Variants in MDGA2 observed in about 807,000 individuals in gnomAD.
MDGA2 encodes MAM domain-containing glycosylphosphatidylinositol anchor protein 2.
MDGA2 carries 40 observed loss-of-function variants against 117.8 expected under a neutral mutation model. The observed-to-expected ratio is 0.34, with a 90% CI of 0.26 to 0.44. MDGA2 has a LOEUF of 0.44. Among genes scored for constraint, MDGA2 ranks in the 20% least tolerant of loss-of-function variants. The pLI, the probability that MDGA2 is intolerant of heterozygous loss-of-function variation, is 1.00. For synonymous variants in MDGA2, 452 were observed against 439.0 expected (o/e 1.03, Z -0.37); for missense variants, 1,123 against 1,250.6 (o/e 0.90, Z 1.54).
chr14:47,165,907 A>G (rs1395630983), intron 3 of MDGA2, among the ~76,000 whole-genome samples: 1 of 152,032 alleles, frequency 6.6e-6, no homozygotes, highest in African/African-American at 2.4e-5. Context: ...TTCTACCTTG[A>G]TTTGCATAAA....
At chr14:47,590,639 T>A (rs1896418984) in intron 1 of MDGA2, among the ~76,000 whole-genome samples, 1 of 151,952 alleles carries the variant, frequency 6.6e-6, no homozygotes, top group Non-Finnish European at 1.5e-5. Context: ...ATTGTACATT[T>A]TAAAATAACT....
At chr14:47,131,553 C>T (rs1161256898) in intron 5 of MDGA2, among the ~76,000 whole-genome samples, 161 bp downstream of exon 5, 1 of 151,850 alleles carries the variant, frequency 6.6e-6, no homozygotes, top group African/African-American at 2.4e-5. Context: ...TTTACTGTGT[C>T]CATGTATGAA....
At chr14:47,649,719 C>T (rs1211353858) in intron 1 of MDGA2, among the ~76,000 whole-genome samples, 1 of 138,608 alleles carries the variant, frequency 7.2e-6, no homozygotes, top group Non-Finnish European at 1.6e-5. Context: ...ACAAAAAAAC[C>T]CCACAAATAT....
chr14:47,521,247 G>A (rs1231881110), intron 1 of MDGA2, among the ~76,000 whole-genome samples: 1 of 152,078 alleles, frequency 6.6e-6, no homozygotes, highest in Non-Finnish European at 1.5e-5. Context: ...CTGGATGTGG[G>A]GGATCAGTTT....
intron 3 of MDGA2, among the ~76,000 whole-genome samples, chr14:47,194,745 A>ACTCT (rs150931481): frequency 1.3e-5 from 2 of 150,356 alleles, no homozygotes; most frequent in South Asian, 2.1e-4. Context: ...GGTGAATCTC[A>ACTCT]CTCTCTCTCT....
chr14:47,180,863 G>C (rs902877002), intron 3 of MDGA2, among the ~76,000 whole-genome samples: 2 of 152,162 alleles, frequency 1.3e-5, no homozygotes, highest in African/African-American at 4.8e-5. Context: ...AAAGGTTGCA[G>C]TGAGCTGAGA....
chr14:47,428,450 T>G (rs1049814838), intron 1 of MDGA2, among the ~76,000 whole-genome samples: 1 of 152,148 alleles, frequency 6.6e-6, no homozygotes, highest in Middle Eastern at 3.2e-3. Flanking sequence ...TTAGTCTACA[T>G]AAAGATTAAT....
At chr14:47,485,896 G>A (rs1169840392) in intron 1 of MDGA2, among the ~76,000 whole-genome samples, 2 of 152,192 alleles carry the variant, frequency 1.3e-5, no homozygotes, top group Non-Finnish European at 2.9e-5. Flanking sequence ...TGGATGTCCA[G>A]GCAGAAGTTT....
chr14:47,152,766 T>C (rs1196598629), intron 3 of MDGA2, among the ~76,000 whole-genome samples: 1 of 152,138 alleles, frequency 6.6e-6, no homozygotes, highest in Non-Finnish European at 1.5e-5. Context: ...CAGACAACTA[T>C]TTCTTTCTGG....
chr14:47,019,390 G>C (rs1193745535), intron 8 of MDGA2, among the ~76,000 whole-genome samples: 1 of 152,082 alleles, frequency 6.6e-6, no homozygotes, highest in Non-Finnish European at 1.5e-5. Context: ...TCAGTTCATT[G>C]TTATTTTTGT....
At chr14:47,362,344 T>C (rs935706721) in intron 1 of MDGA2, among the ~76,000 whole-genome samples, 2 of 152,300 alleles carry the variant, frequency 1.3e-5, no homozygotes, top group South Asian at 2.1e-4. Context: ...AGGTATTGAG[T>C]GTGTATATCT....
At chr14:46,965,429 AT>A (rs1045905005) in intron 8 of MDGA2, among the ~76,000 whole-genome samples, 3 of 152,156 alleles carry the variant, frequency 2.0e-5, no homozygotes, top group Non-Finnish European at 4.4e-5. Flanking sequence ...AACATAGTCT[AT>A]TTTCATAAAG....
intron 1 of MDGA2, among the ~76,000 whole-genome samples, chr14:47,493,262 C>T (rs1407659624): frequency 6.7e-6 from 1 of 149,548 alleles, no homozygotes; most frequent in Non-Finnish European, 1.5e-5. Context: ...ATTTCTGGGA[C>T]TGTTATAACA....
chr14:47,523,187 T>G (rs1215709609), intron 1 of MDGA2, among the ~76,000 whole-genome samples: 1 of 152,106 alleles, frequency 6.6e-6, no homozygotes, highest in Non-Finnish European at 1.5e-5. Flanking sequence ...AGAAAAATAA[T>G]GAAAATATAA....
chr14:47,375,876 C>T (rs1040211849), intron 1 of MDGA2, among the ~76,000 whole-genome samples: 1 of 152,080 alleles, frequency 6.6e-6, no homozygotes, highest in African/African-American at 2.4e-5. Flanking sequence ...ACAGCTGCCC[C>T]TCCCAAAAGA....
At chr14:46,851,906 TA>T (rs1555328867) in intron 15 of MDGA2, among the ~76,000 whole-genome samples, 60 of 140,078 alleles carry the variant, frequency 4.3e-4, no homozygotes, top group African/African-American at 1.2e-3. Context: ...GATTTTTGGG[TA>T]AAAAAAAAAA....
At chr14:47,151,112 G>T (rs7159393) in intron 3 of MDGA2, among the ~76,000 whole-genome samples, 14,093 of 152,108 alleles carry the variant, frequency 0.093, 756 homozygotes, top group African/African-American at 0.11. Context: ...CATTTCGGAA[G>T]TTTGTTGGAG....
intron 8 of MDGA2, among the ~76,000 whole-genome samples, chr14:46,999,580 T>C (rs539460979): frequency 6.6e-5 from 10 of 152,252 alleles, no homozygotes; most frequent in Admixed American, 6.6e-4. Context: ...GAGGTAAACT[T>C]ACTGTCATAA....
intron 1 of MDGA2, among the ~76,000 whole-genome samples, chr14:47,639,097 G>T (rs971422484): frequency 6.6e-6 from 1 of 152,018 alleles, no homozygotes; most frequent in African/African-American, 2.4e-5. Context: ...CTTTAATTAG[G>T]AACCTCCTGC....
Sources: allele counts gnomAD v4.1 joint callset (sites outside exome capture counted in the v4.1 genomes callset), GRCh38; gene constraint gnomAD v4.1.1; transcripts MANE v1.5; gene names NCBI Gene and HGNC (gene_info 2026-07-23, HGNC 2026-07-21).